AGBL4: variants seen among roughly 807,000 people sequenced by gnomAD.
The protein encoded by AGBL4 is AGBL carboxypeptidase 4.
Under a neutral mutation model 66.4 loss-of-function variants are expected in AGBL4, and 58 were observed. The observed-to-expected ratio is 0.87, with a 90% CI of 0.71 to 1.09. The LOEUF (loss-of-function observed/expected upper bound fraction) is 1.09. AGBL4 is among the 50% of genes least tolerant of loss of function. The pLI is 0.00. For missense variants in AGBL4, 579 were observed against 631.0 expected, an observed-to-expected ratio of 0.92 and a Z score of 0.88; for synonymous variants, 234 against 222.9, an observed-to-expected ratio of 1.05 and a Z score of -0.44.
chr1:49,403,244 G>T (rs1645125485), intron 3 of AGBL4, among the ~76,000 whole-genome samples: 1 of 151,954 alleles, frequency 6.6e-6, no homozygotes, highest in Admixed American at 6.6e-5. Context: ...GACCTTCTTT[G>T]TTGCCTCTTA....
rs532914994 is a variant in AGBL4, at chr1:49,549,473, G to A, written c.282+147840C>T. Among the ~76,000 whole-genome samples the A allele has an allele frequency of 3.3e-5, 5 of 151,936 alleles. No homozygotes were observed. The South Asian group carries it at 6.3e-4, about 19-fold the overall frequency. The stretch of plus-strand genomic sequence containing the variant: ...TGGTGTATCCCAGAGGTTTTGATAG[G>A]TTGTGTCATTATTGCAATTCAGTTT... On this transcript the variant is annotated intron_variant, in intron 3 of 13. Transcript: ENST00000371839.
chr1:49,948,693 CACAA>C (rs1365975009), intron 1 of AGBL4, among the ~76,000 whole-genome samples: 7 of 149,808 alleles, frequency 4.7e-5, no homozygotes, highest in African/African-American at 1.7e-4. Context: ...TCATAGATGA[CACAA>C]ACAAATGGAA....
chr1:48,754,028 C>T (rs1652145391), intron 6 of AGBL4, among the ~76,000 whole-genome samples: 1 of 152,202 alleles, frequency 6.6e-6, no homozygotes, highest in Non-Finnish European at 1.5e-5. Context: ...AGGATTATGT[C>T]TGCTCCTCTT....
intron 4 of AGBL4, among the ~76,000 whole-genome samples, chr1:49,183,412 C>T (rs906652301): frequency 5.3e-5 from 8 of 152,100 alleles, no homozygotes; most frequent in Non-Finnish European, 1.0e-4. Context: ...CAATTGGTCT[C>T]TTCATTGCCC....
intron 3 of AGBL4, among the ~76,000 whole-genome samples, chr1:49,317,859 G>A (rs1645067435): frequency 6.6e-6 from 1 of 151,964 alleles, no homozygotes; most frequent in African/African-American, 2.4e-5. Flanking sequence ...TATATGTCTT[G>A]CTCTTATGAG....
At chr1:49,174,115 A>G (rs1646788341) in intron 4 of AGBL4, among the ~76,000 whole-genome samples, 1 of 152,166 alleles carries the variant, frequency 6.6e-6, no homozygotes, top group Admixed American at 6.5e-5. Context: ...TCTATATCAG[A>G]GGGAAGAGAA....
intron 4 of AGBL4, among the ~76,000 whole-genome samples, chr1:49,065,530 GA>G (rs1644477224): frequency 2.6e-5 from 4 of 152,190 alleles, no homozygotes; most frequent in Non-Finnish European, 5.9e-5. Context: ...GTCTAAAGAG[GA>G]GTCTGAACCA....
chr1:49,900,606 T>C (rs554013990), intron 1 of AGBL4, among the ~76,000 whole-genome samples: 1 of 152,270 alleles, frequency 6.6e-6, no homozygotes, highest in East Asian at 1.9e-4. Flanking sequence ...CCCCACACTC[T>C]TCCTATACCT....
At chr1:49,395,754 T>TATATATACACAC (rs1644947930) in intron 3 of AGBL4, among the ~76,000 whole-genome samples, 2 of 143,134 alleles carry the variant, frequency 1.4e-5, no homozygotes, top group Admixed American at 7.1e-5. Flanking sequence ...TATGTATATA[T>TATATATACACAC]ATATATATAC....
At chr1:49,184,919 T>G (rs934583393) in intron 4 of AGBL4, among the ~76,000 whole-genome samples, 1 of 152,196 alleles carries the variant, frequency 6.6e-6, no homozygotes, top group Non-Finnish European at 1.5e-5. Flanking sequence ...GGAGGCAAAG[T>G]ACTTAGCACA....
intron 2 of AGBL4, among the ~76,000 whole-genome samples, chr1:49,738,621 T>G (rs1650116574): frequency 6.6e-6 from 1 of 152,222 alleles, no homozygotes; most frequent in African/African-American, 2.4e-5. Flanking sequence ...AGTGGGTCCT[T>G]GACCCCCAAG....
chr1:48,733,002 C>T (rs72904826), intron 6 of AGBL4, among the ~76,000 whole-genome samples: 3,223 of 152,136 alleles, frequency 0.021, 122 homozygotes, highest in African/African-American at 0.073. Context: ...GATTTAGAGA[C>T]GAGGAAGTCA....
chr1:49,819,299 C>G (rs1226012923), intron 2 of AGBL4, among the ~76,000 whole-genome samples: 2 of 152,184 alleles, frequency 1.3e-5, no homozygotes, highest in African/African-American at 2.4e-5. Context: ...GCTATCATGA[C>G]TTAAAACATA....
intron 5 of AGBL4, among the ~76,000 whole-genome samples, chr1:48,927,628 A>C (rs1654698937): frequency 6.6e-6 from 1 of 152,220 alleles, no homozygotes; most frequent in South Asian, 2.1e-4. Context: ...ATTAAGTGTC[A>C]GTGGGCAAGA....
At chr1:48,536,100 C>CT (rs1491158333) in intron 12 of AGBL4, among the ~76,000 whole-genome samples, 1 of 152,028 alleles carries the variant, frequency 6.6e-6, no homozygotes, top group African/African-American at 2.4e-5. Context: ...GAGGAAGCAG[C>CT]TCTGTCTCGG....
chr1:49,348,128 G>A (rs1167779032), intron 3 of AGBL4, among the ~76,000 whole-genome samples: 2 of 151,330 alleles, frequency 1.3e-5, no homozygotes, highest in Non-Finnish European at 3.0e-5. Context: ...ACTTATAAGA[G>A]GAAGACAAAG....
intron 9 of AGBL4, among the ~76,000 whole-genome samples, chr1:48,593,956 T>G (rs1269646107): frequency 2.0e-5 from 3 of 152,174 alleles, no homozygotes; most frequent in African/African-American, 7.2e-5. Flanking sequence ...TATGTAAGAT[T>G]AGTTTTAATC....
chr1:49,241,728 A>G (rs773698974), intron 4 of AGBL4, among the ~76,000 whole-genome samples: 2 of 152,038 alleles, frequency 1.3e-5, no homozygotes, highest in Non-Finnish European at 2.9e-5. Flanking sequence ...AGGGAGAAAA[A>G]GAAGAAATAA....
intron 1 of AGBL4, among the ~76,000 whole-genome samples, chr1:49,875,251 A>G (rs1240740078): frequency 2.7e-5 from 4 of 147,190 alleles, no homozygotes; most frequent in Non-Finnish European, 6.0e-5. Context: ...GGTGCGCTGC[A>G]CCCACCAACT....
Sources: gnomAD v4.1 joint callset for allele counts (sites outside exome capture counted in the v4.1 genomes callset) on GRCh38, gnomAD v4.1.1 for gene constraint, MANE v1.5 for transcripts, NCBI Gene and HGNC (gene_info 2026-07-23, HGNC 2026-07-21) for gene names.